The following PHACTR3 variants were observed in gnomAD, a reference collection of about 807,000 sequenced individuals.
The protein encoded by PHACTR3 is protein phosphatase 1, regulatory subunit 123.
A neutral mutation model predicts 66.8 loss-of-function variants in PHACTR3; 16 were observed. That is an observed-to-expected ratio of 0.24 (90% confidence interval 0.16 to 0.36). The LOEUF is 0.36. Ranked by LOEUF, PHACTR3 falls within the 10% of genes least tolerant of loss-of-function variation. The probability of loss-of-function intolerance (pLI) is 1.00; values close to 1 mark genes in which losing one functional copy is unlikely to be tolerated. For synonymous variants in PHACTR3, 323 were observed against 292.1 expected (o/e 1.11, Z -1.08); for missense variants, 647 against 719.9 (o/e 0.90, Z 1.16).
intron 1 of PHACTR3, among the ~76,000 whole-genome samples, chr20:59,589,336 T>G (rs2033124658): frequency 6.6e-6 from 1 of 152,212 alleles, no homozygotes; most frequent in Non-Finnish European, 1.5e-5. Context: ...AGCTTCAGTG[T>G]GCGCATGGGT....
At chr20:59,640,780 A>T (rs1322904430) in intron 1 of PHACTR3, among the ~76,000 whole-genome samples, 2 of 152,204 alleles carry the variant, frequency 1.3e-5, no homozygotes, top group African/African-American at 4.8e-5. Flanking sequence ...GGGAGGTTGC[A>T]AAGGTGATGA....
intron 1 of PHACTR3, among the ~76,000 whole-genome samples, chr20:59,635,099 C>CTG (rs1259762706): frequency 1.4e-4 from 17 of 125,804 alleles, no homozygotes; most frequent in African/African-American, 4.7e-4. Flanking sequence ...CTTTCTTTCT[C>CTG]TCTCTTTCTT....
intron 1 of PHACTR3, among the ~76,000 whole-genome samples, chr20:59,730,143 T>C (rs1438215617): frequency 1.3e-5 from 2 of 152,100 alleles, no homozygotes; most frequent in Admixed American, 1.3e-4. Flanking sequence ...TGGTCTCTGC[T>C]CTCACGGTCA....
chr20:59,683,920 T>C (rs2036759890), intron 1 of PHACTR3, among the ~76,000 whole-genome samples: 1 of 152,344 alleles, frequency 6.6e-6, no homozygotes, highest in African/African-American at 2.4e-5. Flanking sequence ...GGGTCCAGCT[T>C]GACCCTCTGC....
At chr20:59,586,631 G>A (rs182048998) in intron 1 of PHACTR3, among the ~76,000 whole-genome samples, 6 of 152,230 alleles carry the variant, frequency 3.9e-5, no homozygotes, top group Admixed American at 1.3e-4. Flanking sequence ...TTGTGGTCAC[G>A]GGTGAAAGTG....
chr20:59,786,571 C>T (rs1403343750), intron 7 of PHACTR3, among the ~76,000 whole-genome samples: 1 of 152,204 alleles, frequency 6.6e-6, no homozygotes, highest in African/African-American at 2.4e-5. Flanking sequence ...CGCGGCATGG[C>T]ACTTAGCACA....
intron 1 of PHACTR3, among the ~76,000 whole-genome samples, chr20:59,657,555 A>G (rs2035661555): frequency 6.6e-6 from 1 of 152,102 alleles, no homozygotes; most frequent in African/African-American, 2.4e-5. Flanking sequence ...TTTGAAAGAT[A>G]CTTTTGCTGG....
intron 8 of PHACTR3, among the ~76,000 whole-genome samples, chr20:59,831,036 C>T (rs1248809291): frequency 1.3e-5 from 2 of 152,130 alleles, no homozygotes; most frequent in Non-Finnish European, 1.5e-5. Flanking sequence ...CATTGTTTGT[C>T]CCCTGCTCCC....
chr20:59,651,708 C>T (rs566190139), intron 1 of PHACTR3, among the ~76,000 whole-genome samples: 3 of 152,186 alleles, frequency 2.0e-5, no homozygotes, highest in Non-Finnish European at 2.9e-5. Flanking sequence ...AAAGGGGTAT[C>T]GGAAGACAAT....
chr20:59,755,633 C>G (rs1034873369), intron 4 of PHACTR3, among the ~76,000 whole-genome samples: 1 of 152,306 alleles, frequency 6.6e-6, no homozygotes, highest in Non-Finnish European at 1.5e-5. Flanking sequence ...CACCTACCCC[C>G]CCTCCCAGGG....
rs142259995 is a variant in PHACTR3, at chr20:59,732,993, A to G, written c.119-10114A>G. The stretch of plus-strand genomic sequence containing the variant: ...GATGAATGAACTTGCAGGGCTGTAG[A>G]AAAAAGCCTATAAGCTTTTAGGAAT... On this transcript the variant is annotated intron_variant, in intron 1 of 12. Coordinates refer to ENST00000371015, the MANE Select transcript of PHACTR3 (RefSeq NM_080672.5). 1.0e-3 allele frequency among the ~76,000 whole-genome samples: 153 copies of G among 152,214 alleles called. 1 individual carries two copies. The highest frequency in any genetic ancestry group is 6.7e-3 in the Admixed American group (103 of 15,296).
chr20:59,621,072 C>T (rs1176552663), intron 1 of PHACTR3, among the ~76,000 whole-genome samples: 1 of 152,208 alleles, frequency 6.6e-6, no homozygotes, highest in Non-Finnish European at 1.5e-5. Flanking sequence ...CAGTGGAGTG[C>T]TCCCATCATT....
chr20:59,671,270 G>A (rs2146507218), intron 1 of PHACTR3, among the ~76,000 whole-genome samples: 1 of 152,342 alleles, frequency 6.6e-6, no homozygotes, highest in South Asian at 2.1e-4. Context: ...TCACAAGAAG[G>A]CTGGGGGTGC....
intron 1 of PHACTR3, among the ~76,000 whole-genome samples, chr20:59,591,075 C>T (rs1422130948): frequency 6.6e-6 from 1 of 152,244 alleles, no homozygotes; most frequent in Admixed American, 6.5e-5. Context: ...ACACTTGTGG[C>T]TTCCATGATG....
At chr20:59,808,248 G>A (rs6070955) in intron 8 of PHACTR3, among the ~76,000 whole-genome samples, 12,452 of 152,268 alleles carry the variant, frequency 0.082, 586 homozygotes, top group African/African-American at 0.1. Flanking sequence ...CCCAGTTTGC[G>A]CCCACGGACA....
chr20:59,702,931 T>C (rs2037558677), intron 1 of PHACTR3, among the ~76,000 whole-genome samples: 1 of 152,194 alleles, frequency 6.6e-6, no homozygotes, highest in African/African-American at 2.4e-5. Flanking sequence ...GCCCTACTTA[T>C]GGAGTCTAAG....
chr20:59,656,768 C>T (rs2035632713), intron 1 of PHACTR3, among the ~76,000 whole-genome samples: 1 of 151,360 alleles, frequency 6.6e-6, no homozygotes, highest in South Asian at 2.1e-4. Context: ...TTTAGTGTAA[C>T]ATTTTAATTT....
At chr20:59,585,797 C>T (rs919342503) in intron 1 of PHACTR3, among the ~76,000 whole-genome samples, 2 of 152,176 alleles carry the variant, frequency 1.3e-5, no homozygotes, top group African/African-American at 4.8e-5. Flanking sequence ...TAAGTACTGT[C>T]GCTCTGACAT....
chr20:59,762,420 G>A (rs1601295136), intron 4 of PHACTR3, among the ~76,000 whole-genome samples: 1 of 152,256 alleles, frequency 6.6e-6, no homozygotes, highest in African/African-American at 2.4e-5. Context: ...GTGACTGTTT[G>A]AAATAATTAA....
Sources: allele counts gnomAD v4.1 joint callset (sites outside exome capture counted in the v4.1 genomes callset), GRCh38; gene constraint gnomAD v4.1.1; transcripts MANE v1.5; gene names NCBI Gene and HGNC (gene_info 2026-07-23, HGNC 2026-07-21).